Variants in CLYBL observed in about 807,000 individuals in gnomAD.
The protein encoded by CLYBL is citramalyl-CoA lyase, mitochondrial.
CLYBL carries 31 observed loss-of-function variants against 38.9 expected under a neutral mutation model. The ratio of observed to expected loss-of-function variants is 0.80; its 90% CI spans 0.60 to 1.08. The LOEUF (loss-of-function observed/expected upper bound fraction) is 1.08, where lower values mean the gene tolerates loss of function less well. CLYBL is among the 50% of genes least tolerant of loss of function. The pLI is 0.00. For synonymous variants in CLYBL, 171 were observed against 158.6 expected (o/e 1.08, Z -0.59); for missense variants, 434 against 411.6 (o/e 1.05, Z -0.47).
chr13:99,883,511 T>C, intron 7 of CLYBL, among the ~76,000 whole-genome samples: 1 of 131,266 alleles, frequency 7.6e-6, no homozygotes, highest in African/African-American at 3.2e-5. Context: ...AGGGCTAGAC[T>C]CCATCTCAAA....
At chr13:99,715,154 G>A (rs1168144670) in intron 1 of CLYBL, among the ~76,000 whole-genome samples, 2 of 152,068 alleles carry the variant, frequency 1.3e-5, no homozygotes, top group African/African-American at 2.4e-5. Context: ...TCCAGCTTCG[G>A]GGGATTAGAC....
At chr13:99,669,922 A>G (rs996484230) in intron 1 of CLYBL, among the ~76,000 whole-genome samples, 2 of 152,192 alleles carry the variant, frequency 1.3e-5, no homozygotes, top group African/African-American at 4.8e-5. Context: ...GCTGGGCGCC[A>G]TGGCTTACGC....
chr13:99,655,356 G>A lies in CLYBL; in HGVS notation c.62+48599G>A, dbSNP rs527735158. Among the ~76,000 whole-genome samples the A allele has an allele frequency of 5.9e-5, 9 of 152,284 alleles. No individual in the cohort carries two copies. The East Asian group carries it at 1.7e-3, about 30-fold the overall frequency. Reference sequence around the variant, plus strand: ...CTCCCAAAGTGCTGGGATTATAGGCGTGAGCCACTGCGCCTGGCCTGGTGT... The same window carrying A: ...CTCCCAAAGTGCTGGGATTATAGGCATGAGCCACTGCGCCTGGCCTGGTGT... On this transcript the variant is annotated intron_variant, in intron 1 of 8. Coordinates refer to ENST00000339105, the MANE Select transcript of CLYBL (RefSeq NM_206808.5).
intron 1 of CLYBL, among the ~76,000 whole-genome samples, chr13:99,704,976 G>T (rs2048124196): frequency 6.6e-6 from 1 of 152,168 alleles, no homozygotes; most frequent in Non-Finnish European, 1.5e-5. Context: ...GCTCACCGCA[G>T]TTATGCATCT....
At chr13:99,805,733 T>A (rs2050220035) in intron 2 of CLYBL, among the ~76,000 whole-genome samples, 1 of 152,224 alleles carries the variant, frequency 6.6e-6, no homozygotes, top group East Asian at 1.9e-4. Context: ...TTAACATTTT[T>A]AATTTTTATT....
intron 2 of CLYBL, among the ~76,000 whole-genome samples, chr13:99,801,028 G>A (rs1323208639): frequency 2.0e-5 from 3 of 152,174 alleles, no homozygotes; most frequent in Non-Finnish European, 4.4e-5. Context: ...CCCAGTAGGG[G>A]AAGGAGCAGC....
In CLYBL at chr13:99,621,200, G is replaced by A. The variant is rs143967185; in HGVS notation, c.62+14443G>A. ...ATCATGGTGCCCACCCCCTTGGACA[G>A]CATAAATTTCCCAGTGACCTCCAAT... On this transcript the variant is annotated intron_variant, in intron 1 of 8. Coordinates refer to ENST00000339105, the MANE Select transcript of CLYBL (RefSeq NM_206808.5). 3.0e-4 allele frequency among the ~76,000 whole-genome samples: 45 copies of A among 152,104 alleles called. 1 individual carries two copies. The highest frequency in any genetic ancestry group is 1.1e-3 in the African/African-American group (45 of 41,400).
At chr13:99,620,745 C>T (rs1419950215) in intron 1 of CLYBL, among the ~76,000 whole-genome samples, 4 of 151,116 alleles carry the variant, frequency 2.6e-5, no homozygotes, top group Non-Finnish European at 5.9e-5. Flanking sequence ...CCATTGCACT[C>T]CAGCCTGGGT....
chr13:99,711,851 G>A (rs543866786), intron 1 of CLYBL, among the ~76,000 whole-genome samples: 1 of 152,034 alleles, frequency 6.6e-6, no homozygotes, highest in Admixed American at 6.6e-5. Context: ...GAGTAGCTGG[G>A]ATTACAGGCG....
At chr13:99,884,361 G>A (rs1438318851) in intron 7 of CLYBL, among the ~76,000 whole-genome samples, 2 of 152,036 alleles carry the variant, frequency 1.3e-5, no homozygotes, top group South Asian at 2.1e-4. Context: ...CCCAGCTCAC[G>A]CCCCAGAGAG....
intron 6 of CLYBL, among the ~76,000 whole-genome samples, chr13:99,866,992 G>T (rs1012580311): frequency 2.6e-5 from 4 of 152,090 alleles, no homozygotes; most frequent in African/African-American, 9.7e-5. Flanking sequence ...GTCCGGTCTG[G>T]GGCACAGGCG....
At chr13:99,831,924 A>G (rs1439546891) in intron 2 of CLYBL, among the ~76,000 whole-genome samples, 3 of 152,212 alleles carry the variant, frequency 2.0e-5, no homozygotes, top group Admixed American at 6.5e-5. Flanking sequence ...TACATTTATC[A>G]AACAGTTCAC....
At chr13:99,906,289 A>G (rs9554648) in intron 9 of CLYBL, among the ~76,000 whole-genome samples, 36,351 of 152,156 alleles carry the variant, frequency 0.24, 4,674 homozygotes, top group Admixed American at 0.33. Context: ...ATGGACATTT[A>G]AAAGTTTTCA....
chr13:99,669,734 C>T (rs2047537017), intron 1 of CLYBL, among the ~76,000 whole-genome samples: 1 of 152,190 alleles, frequency 6.6e-6, no homozygotes, highest in African/African-American at 2.4e-5. Context: ...GTGTTCTGCA[C>T]CCCACACAGC....
At chr13:99,653,088 A>G (rs1594102864) in intron 1 of CLYBL, among the ~76,000 whole-genome samples, 3 of 152,196 alleles carry the variant, frequency 2.0e-5, no homozygotes, top group Non-Finnish European at 4.4e-5. Flanking sequence ...GCAGGAATGT[A>G]TACTGTTTGT....
Position 99,662,535 on chromosome 13 carries a change from G to A in CLYBL, c.62+55778G>A, listed in dbSNP as rs1487302004. On this transcript the variant is annotated intron_variant, in intron 1 of 8. Coordinates refer to ENST00000339105, the MANE Select transcript of CLYBL (RefSeq NM_206808.5). ...CTTTTTTTTTTTTTTTTTTTGGTCA[G>A]GCAGTAATTATAGTGAGTCAGAAAC... is the stretch of plus-strand genomic sequence containing the variant. 2.1e-5 allele frequency among the ~76,000 whole-genome samples: 3 copies of A among 140,120 alleles called. No individual in the cohort carries two copies. In the East Asian group the frequency reaches 6.1e-4, roughly 28 times the overall value. 91.9% of individuals were successfully genotyped at this position (140,120 alleles called of 152,430 possible).
At chr13:99,810,837 C>T (rs947944985) in intron 2 of CLYBL, among the ~76,000 whole-genome samples, 1 of 152,126 alleles carries the variant, frequency 6.6e-6, no homozygotes, top group African/African-American at 2.4e-5. Context: ...TCCTTCCCCT[C>T]CAAACGTAGC....
chr13:99,675,030 G>T (rs955816745), intron 1 of CLYBL, among the ~76,000 whole-genome samples: 1 of 152,126 alleles, frequency 6.6e-6, no homozygotes, highest in African/African-American at 2.4e-5. Context: ...GGGCAACATA[G>T]CCAGACCAGA....
chr13:99,680,402 G>A (rs966826481), intron 1 of CLYBL, among the ~76,000 whole-genome samples: 4 of 152,162 alleles, frequency 2.6e-5, no homozygotes, highest in Non-Finnish European at 4.4e-5. Flanking sequence ...CATTCATAAG[G>A]TTAGGATAGC....
Sources: allele counts gnomAD v4.1 joint callset (sites outside exome capture counted in the v4.1 genomes callset), GRCh38; gene constraint gnomAD v4.1.1; transcripts MANE v1.5; gene names NCBI Gene and HGNC (gene_info 2026-07-23, HGNC 2026-07-21).